NLRP9: variants seen among roughly 807,000 people sequenced by gnomAD.
NLRP9 encodes NACHT, LRR and PYD domains-containing protein 9.
A neutral mutation model predicts 83.1 loss-of-function variants in NLRP9; 88 were observed. That is an observed-to-expected ratio of 1.06 (90% CI 0.89 to 1.26). The LOEUF (loss-of-function observed/expected upper bound fraction) is 1.26, where lower values mean the gene tolerates loss of function less well. Ranked by LOEUF, NLRP9 falls within the 50% of genes most tolerant of loss-of-function variation. The pLI, the probability that NLRP9 is intolerant of heterozygous loss-of-function variation, is 0.00. For missense variants in NLRP9, 1,308 were observed against 1,179.3 expected, an observed-to-expected ratio of 1.11 and a Z score of -1.60; for synonymous variants, 521 against 447.6, an observed-to-expected ratio of 1.16 and a Z score of -2.07.
rs769453870 is a variant in NLRP9 at position 55,732,033 on chromosome 19, T to A, written c.1798A>T (p.Asn600Tyr). Residue 600 changes from asparagine to tyrosine, a missense_variant, in exon 2 of 9, where the codon AAT becomes TAT. Physicochemically the swap from Asn to Tyr is moderately radical, Grantham distance 143. Transcript: ENST00000332836. ...CATCCTGAGTCATCTGGAAAGATAT[T>A]CTCCACACACATGCGAAGTGTCGTT... ...HLTTLRMCVENIFPDDSGCIS... is the reference protein window; with the variant it reads ...HLTTLRMCVEYIFPDDSGCIS... The A allele has an allele frequency of 6.3e-7, 1 of 1,585,468 alleles. No homozygotes were observed. The highest frequency in any genetic ancestry group is 1.8e-5 in the Admixed American group (1 of 54,822).
chr19:55,718,809 G>A (rs1988124746), intron 4 of NLRP9, among the ~76,000 whole-genome samples: 1 of 152,214 alleles, frequency 6.6e-6, no homozygotes, highest in Non-Finnish European at 1.5e-5. Flanking sequence ...TTGTCTCTGT[G>A]TCTTGTTTCT....
intron 4 of NLRP9, among the ~76,000 whole-genome samples, chr19:55,720,916 C>T (rs1352547611): frequency 2.0e-5 from 3 of 152,148 alleles, no homozygotes; most frequent in Non-Finnish European, 4.4e-5. Flanking sequence ...TGAAAAGGCG[C>T]TCATATTATT....
chr19:55,716,067 G>C (rs547647365), intron 5 of NLRP9, among the ~76,000 whole-genome samples: 1 of 152,142 alleles, frequency 6.6e-6, no homozygotes, highest in East Asian at 1.9e-4. Flanking sequence ...AATACTTTTT[G>C]TTTTAAAAAT....
intron 3 of NLRP9, among the ~76,000 whole-genome samples, chr19:55,727,382 G>T (rs907523588): frequency 2.0e-5 from 3 of 152,172 alleles, no homozygotes. Flanking sequence ...CTTCACCCAG[G>T]TTTATCCAGA....
At position 55,716,898 on chromosome 19, in the gene NLRP9, T is replaced by G. The variant is rs373826485; in HGVS notation, c.2160A>C (p.Ile720=). The change falls in exon 5 of 9, where the codon ATA becomes ATC. Residue 720 remains isoleucine, a splice_region_variant and synonymous_variant. Coordinates refer to ENST00000332836, the MANE Select transcript of NLRP9 (RefSeq NM_176820.4). ...KHPMCKIEEL[I]LGKCDISSEV... is the part of the protein sequence containing the mutation. ...CACTGGAGATGTCACACTTTCCCAG[T>G]CTACATGTGAAACACACACCATGAG... is the stretch of plus-strand genomic sequence containing the variant. 47 of 1,613,310 alleles carry G rather than the reference T, an allele frequency of 2.9e-5. No homozygotes were observed. The Middle Eastern group carries it at 6.6e-4, about 23-fold the overall frequency.
In NLRP9 at chr19:55,735,397, G is replaced by A. The variant is rs553988304; in HGVS notation, c.281-1847C>T. ...GAGGCCAGGAGTTCAAGACGAGCTT[G>A]GCCAACATAGTGAGACTCCATCTCT... On this transcript the variant is annotated intron_variant, in intron 1 of 8. Transcript: ENST00000332836. 2.6e-5 allele frequency among the ~76,000 whole-genome samples: 4 copies of A among 152,138 alleles called. No individual in the cohort carries two copies. The East Asian group carries it at 7.7e-4, about 29-fold the overall frequency.
At chr19:55,734,212 C>G (rs536500962) in intron 1 of NLRP9, among the ~76,000 whole-genome samples, 3 of 151,420 alleles carry the variant, frequency 2.0e-5, no homozygotes, top group South Asian at 2.1e-4. Flanking sequence ...CGTGAGCCAC[C>G]GCGCCCGGCT....
Position 55,732,169 on chromosome 19 carries a change from T to C in NLRP9, c.1662A>G (p.Glu554=), listed in dbSNP as rs1379230033. Residue 554 remains glutamate (E), a synonymous_variant, in exon 2 of 9, where the codon GAA becomes GAG. Transcript: ENST00000332836. The part of the protein sequence containing the change: ...ELFIGLFETQ[E]KEFVTKVMNF... ...TCATCACTTTGGTTACAAATTCTTTTTCCTGAGTTTCAAACAAACCAATGA... is the reference window on the plus strand; with the variant it reads ...TCATCACTTTGGTTACAAATTCTTTCTCCTGAGTTTCAAACAAACCAATGA... The C allele has an allele frequency of 2.5e-6, 4 of 1,613,088 alleles. No homozygotes were observed. In the South Asian group the frequency reaches 4.4e-5, roughly 18 times the overall value.
At chr19:55,713,595 CT>C (rs1987866899) in intron 6 of NLRP9, among the ~76,000 whole-genome samples, 4 of 134,408 alleles carry the variant, frequency 3.0e-5, no homozygotes, top group Non-Finnish European at 5.0e-5. Flanking sequence ...TCCCCTCCTC[CT>C]CCTCTCCCTC....
In NLRP9 at chr19:55,732,444, T is replaced by C. The variant is rs761012633; in HGVS notation, c.1387A>G (p.Lys463Glu). 1.2e-6 allele frequency: 2 copies of C among 1,614,102 alleles called. No homozygotes were observed. Among genetic ancestry groups the C allele is most frequent in the South Asian group, 1.1e-5 (1 of 91,086 alleles). ...AAMFYLLKRP[K>E]DDPNPAIGSI... ...CCAATGGCCGGGTTAGGATCGTCTTTGGGTCGTTTGAGCAAATAAAACATG... is the reference window on the plus strand; with the variant it reads ...CCAATGGCCGGGTTAGGATCGTCTTCGGGTCGTTTGAGCAAATAAAACATG... Residue 463 changes from lysine to glutamate, a missense_variant, in exon 2 of 9, where the codon AAA (lysine) becomes GAA (glutamate). Coordinates refer to ENST00000332836, the MANE Select transcript of NLRP9 (RefSeq NM_176820.4).
chr19:55,728,090 T>A (rs924689839), intron 3 of NLRP9, among the ~76,000 whole-genome samples: 1 of 152,146 alleles, frequency 6.6e-6, no homozygotes, highest in African/African-American at 2.4e-5. Context: ...GGGAAGCTCA[T>A]TAAGGATTCA....
Position 55,738,136 on chromosome 19 carries a change from T to G in NLRP9, c.239A>C (p.Asn80Thr). Residue 80 changes from asparagine (N) to threonine (T), a missense_variant, in exon 1 of 9, where the codon AAT becomes ACT. Asn to Thr is a moderately conservative substitution (Grantham distance 65). Coordinates refer to ENST00000332836, the MANE Select transcript of NLRP9 (RefSeq NM_176820.4). Reference protein sequence around the residue: ...EVTLNLFLQINRKDLWTKAQE... With the variant: ...EVTLNLFLQITRKDLWTKAQE... ...AGCCTTTGTCCAGAGATCTTTCCTA[T>G]TGATCTGTAGAAACAGGTTCAGTGT... The G allele has an allele frequency of 6.2e-7, 1 of 1,614,202 alleles. No individual in the cohort carries two copies. Among genetic ancestry groups the G allele is most frequent in the Middle Eastern group, 1.6e-4 (1 of 6,062 alleles).
At position 55,712,673 on chromosome 19, in the gene NLRP9, C is replaced by A. The variant is rs118042108; in HGVS notation, c.2502-83G>T. The A allele has an allele frequency of 8.5e-5, 104 of 1,219,306 alleles. No homozygotes were observed. The East Asian group carries it at 2.3e-3, about 27-fold the overall frequency. The allele number at this position is 1,219,306 out of a possible 1,614,324, so 75.5% of individuals were successfully genotyped here. ...ACCTTATTTTCATTTATTCATATGA[C>A]GCAAGAAATACCCAAGTAAATCTGA... On this transcript the variant is annotated intron_variant, in intron 6 of 8. Transcript: ENST00000332836.
intron 3 of NLRP9, among the ~76,000 whole-genome samples, chr19:55,728,560 G>A (rs1045061552): frequency 1.3e-5 from 2 of 151,938 alleles, no homozygotes; most frequent in East Asian, 1.9e-4. Flanking sequence ...CAACAAGAGC[G>A]AAACTCCGTC....
At position 55,723,961 on chromosome 19, in the gene NLRP9, A is replaced by T; in HGVS notation, c.2159+19T>A. ...ACCTTGGAAAGAAACAGCACTCGGC[A>T]TGAACAGCCCGGACTTACATCAGCT... On this transcript the variant is annotated intron_variant, in intron 4 of 8. Coordinates refer to ENST00000332836, the MANE Select transcript of NLRP9 (RefSeq NM_176820.4). 6.3e-7 allele frequency: 1 copy of T among 1,596,214 alleles called. No homozygotes were observed. Among genetic ancestry groups the T allele is most frequent in the Non-Finnish European group, 8.5e-7 (1 of 1,172,168 alleles).
chr19:55,709,739 TC>T (rs1411526175), intron 8 of NLRP9: 3 of 152,238 alleles, frequency 2.0e-5, no homozygotes, highest in Non-Finnish European at 4.4e-5. Flanking sequence ...GGACACGACT[TC>T]CTCCTGGCTT....
Position 55,716,910 on chromosome 19 carries a change from A to G in NLRP9, c.2160-12T>C. On this transcript the variant is annotated splice_polypyrimidine_tract_variant and intron_variant, in intron 4 of 8. Coordinates refer to ENST00000332836, the MANE Select transcript of NLRP9 (RefSeq NM_176820.4). Reference sequence around the variant, plus strand: ...CACACTTTCCCAGTCTACATGTGAAACACACACCATGAGACGGACCAAAGC... The same window carrying G: ...CACACTTTCCCAGTCTACATGTGAAGCACACACCATGAGACGGACCAAAGC... 18 of 1,612,334 alleles carry G rather than the reference A, an allele frequency of 1.1e-5. No homozygotes were observed. Among genetic ancestry groups the G allele is most frequent in the Non-Finnish European group, 1.5e-5 (18 of 1,178,602 alleles).
intron 1 of NLRP9, among the ~76,000 whole-genome samples, chr19:55,736,880 C>A (rs1988799932): frequency 6.6e-6 from 1 of 151,342 alleles, no homozygotes; most frequent in African/African-American, 2.4e-5. Flanking sequence ...ACTAACACAG[C>A]AAGCAACTCC....
chr19:55,732,838 A>T lies in NLRP9; in HGVS notation c.993T>A (p.Phe331Leu). ...FNFVRDNGPL[F>L]ILCHNPFTCW... ...ACGTAAAGGGATTATGGCACAAGAT[A>T]AACAGCGGCCCATTATCTCTCACAA... is the stretch of plus-strand genomic sequence containing the variant. Residue 331 changes from phenylalanine (F) to leucine (L), a missense_variant, in exon 2 of 9, where the codon TTT (phenylalanine) becomes TTA (leucine). Physicochemically the swap from Phe to Leu is conservative, Grantham distance 22. Coordinates refer to ENST00000332836, the MANE Select transcript of NLRP9 (RefSeq NM_176820.4). The T allele has an allele frequency of 6.2e-7, 1 of 1,614,198 alleles. No homozygotes were observed. The highest frequency in any genetic ancestry group is 8.5e-7 in the Non-Finnish European group (1 of 1,180,036).
Sources: gnomAD v4.1 joint callset for allele counts (sites outside exome capture counted in the v4.1 genomes callset) on GRCh38, gnomAD v4.1.1 for gene constraint, MANE v1.5 for transcripts, NCBI Gene and HGNC (gene_info 2026-07-23, HGNC 2026-07-21) for gene names.